LGR4: variants seen among roughly 807,000 people sequenced by gnomAD.
The protein encoded by LGR4 is leucine-rich repeat-containing G protein-coupled receptor 4.
In LGR4, 44 loss-of-function variants were observed where a neutral mutation model predicts 84.8. The ratio of observed to expected loss-of-function variants is 0.52; its 90% CI spans 0.41 to 0.67. The LOEUF is 0.67. LGR4 is among the 30% of genes least tolerant of loss of function. The probability of loss-of-function intolerance (pLI) is 0.00; values close to 1 mark genes in which losing one functional copy is unlikely to be tolerated. For synonymous variants in LGR4, 429 were observed against 434.3 expected (o/e 0.99, Z 0.15); for missense variants, 1,032 against 1,131.4 (o/e 0.91, Z 1.26).
chr11:27,380,228 AGT>A (rs1266574074), intron 10 of LGR4, 41 bp downstream of exon 10: 1 of 1,230,040 alleles, frequency 8.1e-7, no homozygotes, highest in African/African-American at 1.5e-5. Flanking sequence ...GCAGTCCAGT[AGT>A]GTTATCTTTA....
chr11:27,405,644 G>A (rs746465865), intron 2 of LGR4, among the ~76,000 whole-genome samples: 16 of 151,782 alleles, frequency 1.1e-4, no homozygotes, highest in Non-Finnish European at 2.1e-4. Context: ...GCTAATTTTC[G>A]TCAAAGCACC....
At chr11:27,423,627 C>T (rs1320210783) in intron 1 of LGR4, among the ~76,000 whole-genome samples, 2 of 152,134 alleles carry the variant, frequency 1.3e-5, no homozygotes, top group Non-Finnish European at 2.9e-5. Flanking sequence ...TAGAAATATT[C>T]CCTTGGGAAT....
At chr11:27,391,049 C>T (rs1336059325) in intron 4 of LGR4, 45 bp downstream of exon 4, 2 of 1,053,800 alleles carry the variant, frequency 1.9e-6, no homozygotes, top group East Asian at 4.8e-5. Flanking sequence ...TCTTTAACAG[C>T]CAGAGTAGTC....
intron 2 of LGR4, among the ~76,000 whole-genome samples, chr11:27,411,898 G>A (rs568492569): frequency 6.6e-6 from 1 of 152,172 alleles, no homozygotes; most frequent in African/African-American, 2.4e-5. Context: ...CTCAACAGCT[G>A]GGCTGTATGA....
At chr11:27,469,653 T>C (rs1055001351) in intron 1 of LGR4, among the ~76,000 whole-genome samples, 3 of 152,250 alleles carry the variant, frequency 2.0e-5, no homozygotes, top group African/African-American at 4.8e-5. Context: ...TTAGTAATTA[T>C]AGTTTCATCT....
At chr11:27,372,422 T>C (rs1365402102) in intron 15 of LGR4, 24 bp from the exon 16 acceptor site, 2 of 1,304,770 alleles carry the variant, frequency 1.5e-6, no homozygotes, top group Admixed American at 3.4e-5. Flanking sequence ...TTGTAAAATC[T>C]ACACTGAACA....
At chr11:27,443,589 G>T (rs150313208) in intron 1 of LGR4, among the ~76,000 whole-genome samples, 1 of 152,150 alleles carries the variant, frequency 6.6e-6, no homozygotes, top group Non-Finnish European at 1.5e-5. Context: ...GAATCCATAC[G>T]CAAGGAGCTG....
intron 1 of LGR4, among the ~76,000 whole-genome samples, chr11:27,444,093 A>T (rs1253263659): frequency 1.7e-5 from 2 of 118,540 alleles, no homozygotes; most frequent in Non-Finnish European, 4.0e-5. Context: ...TTGTATTTAA[A>T]GAAAAAAAAA....
intron 1 of LGR4, among the ~76,000 whole-genome samples, chr11:27,415,065 G>A (rs1051940407): frequency 6.6e-6 from 1 of 152,042 alleles, no homozygotes; most frequent in South Asian, 2.1e-4. Flanking sequence ...TCACTCTCAC[G>A]GGAGATACAT....
At chr11:27,464,426 T>G (rs953129418) in intron 1 of LGR4, among the ~76,000 whole-genome samples, 26 of 152,172 alleles carry the variant, frequency 1.7e-4, no homozygotes, top group African/African-American at 6.3e-4. Flanking sequence ...CAAACACACC[T>G]CCCATTCAGC....
At chr11:27,371,868 G>GT (rs1457698164) in intron 16 of LGR4, among the ~76,000 whole-genome samples, 170 bp from the exon 17 acceptor site, 2 of 151,774 alleles carry the variant, frequency 1.3e-5, no homozygotes, top group African/African-American at 2.4e-5. Flanking sequence ...TTTGGTTTTG[G>GT]TTTTTTTTAG....
intron 1 of LGR4, among the ~76,000 whole-genome samples, chr11:27,452,141 C>T (rs1864492138): frequency 6.6e-6 from 1 of 152,206 alleles, no homozygotes; most frequent in African/African-American, 2.4e-5. Context: ...GGCTCTGCAA[C>T]CTCAGGCTGT....
chr11:27,456,918 T>G (rs756019532), intron 1 of LGR4, among the ~76,000 whole-genome samples: 11 of 152,174 alleles, frequency 7.2e-5, no homozygotes, highest in Admixed American at 1.3e-4. Context: ...TATGTGTGCT[T>G]TTTGGGTACA....
chr11:27,388,344 C>A (rs1863223638), intron 4 of LGR4, among the ~76,000 whole-genome samples: 1 of 152,020 alleles, frequency 6.6e-6, no homozygotes, highest in Non-Finnish European at 1.5e-5. Flanking sequence ...TAGTATTCAC[C>A]CCAAATAACA....
In LGR4 at chr11:27,373,823, C is replaced by G; in HGVS notation, c.1254-147G>C. On this transcript the variant is annotated intron_variant, in intron 14 of 17. Coordinates refer to ENST00000379214, the MANE Select transcript of LGR4 (RefSeq NM_018490.5). The stretch of plus-strand genomic sequence containing the variant: ...ATTATAGTTCTAGCATGTATCTTGC[C>G]GTTTAAGAAGACTTTTACTATAAAT... The G allele has an allele frequency of 3.0e-6, 3 of 1,006,736 alleles. 1 individual carries two copies. The highest frequency in any genetic ancestry group is 4.4e-6 in the Non-Finnish European group (3 of 674,248). The allele number at this position is 1,006,736 out of a possible 1,614,324, so 62.4% of individuals were successfully genotyped here. A position where few individuals can be genotyped will look rare whatever the true frequency, so the allele number is the denominator to read the frequency against.
At chr11:27,387,718 T>C (rs1863212625) in intron 4 of LGR4, among the ~76,000 whole-genome samples, 1 of 152,196 alleles carries the variant, frequency 6.6e-6, no homozygotes, top group Admixed American at 6.6e-5. Context: ...GGTTGTATTT[T>C]CATTACAAAT....
chr11:27,394,788 G>A lies in LGR4; in HGVS notation c.258-2270C>T, dbSNP rs7124799. ...AAATGTGCCCTATGCTTGAACACTCGGAGCTCATAAACTTGGGTCACAAGC... is the reference window on the plus strand; with the variant it reads ...AAATGTGCCCTATGCTTGAACACTCAGAGCTCATAAACTTGGGTCACAAGC... On this transcript the variant is annotated intron_variant, in intron 2 of 17. Coordinates refer to ENST00000379214, the MANE Select transcript of LGR4 (RefSeq NM_018490.5). Among the ~76,000 whole-genome samples, 24 of 152,014 alleles carry A rather than the reference G, an allele frequency of 1.6e-4. No homozygotes were observed. The East Asian group carries it at 4.5e-3, about 28-fold the overall frequency.
chr11:27,389,807 G>A (rs539919646), intron 4 of LGR4, among the ~76,000 whole-genome samples: 1 of 151,232 alleles, frequency 6.6e-6, no homozygotes, highest in Admixed American at 6.6e-5. Flanking sequence ...TGTGAAGTCA[G>A]CCGAATAACA....
chr11:27,434,224 G>T (rs528550752), intron 1 of LGR4, among the ~76,000 whole-genome samples: 1 of 152,348 alleles, frequency 6.6e-6, no homozygotes, highest in East Asian at 1.9e-4. Context: ...GGCAGCCACT[G>T]AAAAGAGAGG....
Sources: gnomAD v4.1 joint callset for allele counts (sites outside exome capture counted in the v4.1 genomes callset) on GRCh38, gnomAD v4.1.1 for gene constraint, MANE v1.5 for transcripts, NCBI Gene and HGNC (gene_info 2026-07-23, HGNC 2026-07-21) for gene names.